Variants in OR2L13 observed in about 807,000 individuals in gnomAD.
OR2L13 encodes olfactory receptor 2L13.
A neutral mutation model predicts 15.3 loss-of-function variants in OR2L13; 14 were observed. The observed-to-expected ratio is 0.91, with a 90% confidence interval of 0.60 to 1.43. The LOEUF (loss-of-function observed/expected upper bound fraction) is 1.43, where lower values mean the gene tolerates loss of function less well. OR2L13 is among the 40% of genes most tolerant of loss of function. The probability of loss-of-function intolerance (pLI) is 0.00; values close to 1 mark genes in which losing one functional copy is unlikely to be tolerated. For missense variants in OR2L13, 367 were observed against 387.9 expected, an observed-to-expected ratio of 0.95 and a Z score of 0.45; for synonymous variants, 152 against 142.9, an observed-to-expected ratio of 1.06 and a Z score of -0.45.
the OR2L13 span, among the ~76,000 whole-genome samples, chr1:247,982,803 A>T: frequency 6.6e-6 from 1 of 152,282 alleles, no homozygotes; most frequent in Middle Eastern, 3.4e-3. Context: ...TTTAATCATT[A>T]AAATAACCTT....
chr1:248,083,392 C>T, the OR2L13 span: 3 of 425,496 alleles, frequency 7.1e-6, no homozygotes, highest in Non-Finnish European at 1.3e-5. Flanking sequence ...GTCAACAGTA[C>T]TTATATCATG....
chr1:247,947,162 G>A, the OR2L13 span, among the ~76,000 whole-genome samples: 2 of 152,084 alleles, frequency 1.3e-5, no homozygotes, highest in African/African-American at 4.8e-5. Context: ...AATGTTACGT[G>A]TCACATCCTT....
At chr1:248,048,165 T>C in the OR2L13 span, among the ~76,000 whole-genome samples, 1 of 152,304 alleles carries the variant, frequency 6.6e-6, no homozygotes, top group Non-Finnish European at 1.5e-5. Flanking sequence ...TGTATCTATC[T>C]GTGAGAGCTG....
At chr1:247,956,884 C>T in the OR2L13 span, among the ~76,000 whole-genome samples, 5 of 152,148 alleles carry the variant, frequency 3.3e-5, no homozygotes, top group East Asian at 3.9e-4. Flanking sequence ...ATCATGTCAT[C>T]TGCAAACAGG....
chr1:247,951,961 A>ATGTGTGTGTG, the OR2L13 span, among the ~76,000 whole-genome samples: 2 of 151,578 alleles, frequency 1.3e-5, no homozygotes, highest in African/African-American at 4.9e-5. Flanking sequence ...GTATTACAAG[A>ATGTGTGTGTG]TGTGTGTGTG....
chr1:248,076,471 T>C, the OR2L13 span, among the ~76,000 whole-genome samples: 2 of 152,194 alleles, frequency 1.3e-5, no homozygotes, highest in Non-Finnish European at 2.9e-5. Flanking sequence ...ATTCTTCCTA[T>C]CCATGAGCAT....
chr1:247,955,456 A>G, the OR2L13 span, among the ~76,000 whole-genome samples: 2 of 151,804 alleles, frequency 1.3e-5, no homozygotes, highest in African/African-American at 4.8e-5. Flanking sequence ...TCCTTTGGGT[A>G]TATACCCAGT....
the OR2L13 span, among the ~76,000 whole-genome samples, chr1:248,033,806 G>T: frequency 2.0e-5 from 3 of 151,868 alleles, no homozygotes; most frequent in Non-Finnish European, 4.4e-5. Flanking sequence ...TTTGATTTCT[G>T]TAGTTCTTGG....
chr1:248,090,399 A>G (rs1157048835), upstream of OR2L13, among the ~76,000 whole-genome samples: 1 of 152,152 alleles, frequency 6.6e-6, no homozygotes, highest in African/African-American at 2.4e-5. Flanking sequence ...TCATGCAGGT[A>G]ATAAGCATAG....
At chr1:248,033,935 A>C in the OR2L13 span, among the ~76,000 whole-genome samples, 1 of 152,202 alleles carries the variant, frequency 6.6e-6, no homozygotes, top group Non-Finnish European at 1.5e-5. Context: ...AGAGGAAGCC[A>C]AACTGTCCCT....
the OR2L13 span, among the ~76,000 whole-genome samples, chr1:248,088,611 G>A: frequency 6.6e-6 from 1 of 152,114 alleles, no homozygotes; most frequent in Non-Finnish European, 1.5e-5. Flanking sequence ...ATCCCTGCAA[G>A]GCAGAGTAAA....
chr1:247,980,368 A>G, the OR2L13 span, among the ~76,000 whole-genome samples: 11 of 152,326 alleles, frequency 7.2e-5, no homozygotes, highest in South Asian at 2.1e-4. Flanking sequence ...GTAAATTAAC[A>G]TAGTTCCACT....
At chr1:247,975,035 CAG>C in the OR2L13 span, 1 of 322,004 alleles carries the variant, frequency 3.1e-6, no homozygotes, top group Non-Finnish European at 6.3e-6. Context: ...GTGTGGAATT[CAG>C]AGTTTCTTCT....
At chr1:248,031,461 A>G in the OR2L13 span, among the ~76,000 whole-genome samples, 1 of 152,196 alleles carries the variant, frequency 6.6e-6, no homozygotes, top group Non-Finnish European at 1.5e-5. Context: ...TTCTGCCTTA[A>G]TGGGCAGTGC....
chr1:248,063,623 G>A, the OR2L13 span, among the ~76,000 whole-genome samples: 7 of 152,142 alleles, frequency 4.6e-5, no homozygotes, highest in Non-Finnish European at 1.0e-4. Context: ...CTTCCATCAC[G>A]AGTCACTTGC....
the OR2L13 span, among the ~76,000 whole-genome samples, chr1:248,050,466 A>C: frequency 6.6e-6 from 1 of 152,082 alleles, no homozygotes; most frequent in Non-Finnish European, 1.5e-5. Flanking sequence ...ACCAGCCTTT[A>C]ATTTTATTTA....
At chr1:247,941,608 T>C in the OR2L13 span, among the ~76,000 whole-genome samples, 5 of 152,070 alleles carry the variant, frequency 3.3e-5, no homozygotes, top group South Asian at 4.1e-4. Flanking sequence ...TGGTGCTATT[T>C]GGACAGACGC....
chr1:247,978,534 A>G, the OR2L13 span, among the ~76,000 whole-genome samples: 5 of 152,242 alleles, frequency 3.3e-5, no homozygotes, highest in African/African-American at 1.2e-4. Context: ...AAGGACATGA[A>G]GCAACTATGT....
the OR2L13 span, chr1:248,060,706 A>T: frequency 6.2e-7 from 1 of 1,613,358 alleles, no homozygotes; most frequent in African/African-American, 1.3e-5. Context: ...TCAAACATCA[A>T]CTGATTTCAT....
Sources: gnomAD v4.1 joint callset for allele counts (sites outside exome capture counted in the v4.1 genomes callset) on GRCh38, gnomAD v4.1.1 for gene constraint, MANE v1.5 for transcripts, NCBI Gene and HGNC (gene_info 2026-07-23, HGNC 2026-07-21) for gene names.